The following ASIC2 variants were observed in gnomAD, a reference collection of about 807,000 sequenced individuals.
The protein encoded by ASIC2 is acid-sensing ion channel 2.
Under a neutral mutation model 57.3 loss-of-function variants are expected in ASIC2, and 25 were observed. The observed-to-expected ratio is 0.44, with a 90% CI of 0.32 to 0.61. The LOEUF (loss-of-function observed/expected upper bound fraction) is 0.61. Ranked by LOEUF, ASIC2 falls within the 20% of genes least tolerant of loss-of-function variation. The pLI, the probability that ASIC2 is intolerant of heterozygous loss-of-function variation, is 0.06. For missense variants in ASIC2, 641 were observed against 738.1 expected (o/e 0.87, Z 1.52); for synonymous variants, 319 against 307.5 (o/e 1.04, Z -0.39).
intron 1 of ASIC2, among the ~76,000 whole-genome samples, chr17:33,153,788 C>T (rs928263264): frequency 2.6e-5 from 4 of 152,150 alleles, no homozygotes; most frequent in East Asian, 1.9e-4. Flanking sequence ...AGAGGAGCTC[C>T]ACCTAAGATC....
intron 1 of ASIC2, among the ~76,000 whole-genome samples, chr17:33,864,134 C>G (rs1406756707): frequency 6.6e-6 from 1 of 152,030 alleles, no homozygotes; most frequent in East Asian, 1.9e-4. Flanking sequence ...AATTCCTGAC[C>G]TCAGGTGATC....
chr17:33,679,651 C>T (rs7224365), intron 1 of ASIC2, among the ~76,000 whole-genome samples: 6,965 of 152,228 alleles, frequency 0.046, 392 homozygotes, highest in African/African-American at 0.13. Flanking sequence ...TGGGAACCTA[C>T]ACAAACTGGA....
rs148665467 is a variant in ASIC2 at position 33,256,527 on chromosome 17, A to C, written c.708+34881T>G. Among the ~76,000 whole-genome samples, 359 of 152,300 alleles carry C rather than the reference A, an allele frequency of 2.4e-3. 1 individual carries two copies. Among genetic ancestry groups the C allele is most frequent in the African/African-American group, 8.2e-3 (342 of 41,564 alleles). On this transcript the variant is annotated intron_variant, in intron 1 of 9. Coordinates refer to ENST00000225823, the MANE Select transcript of ASIC2 (RefSeq NM_183377.2). Reference sequence around the variant, plus strand: ...AATAGAGAAATGAATTGGCATAAAAAATTTTACTGTAGGGCCAGGCACGGT... The same window carrying C: ...AATAGAGAAATGAATTGGCATAAAACATTTTACTGTAGGGCCAGGCACGGT...
intron 1 of ASIC2, among the ~76,000 whole-genome samples, chr17:33,648,392 A>G (rs1186629298): frequency 2.6e-5 from 4 of 152,242 alleles, no homozygotes; most frequent in Non-Finnish European, 5.9e-5. Context: ...TTATTAAAAG[A>G]TGAGCACTTC....
intron 1 of ASIC2, among the ~76,000 whole-genome samples, chr17:33,246,583 C>T (rs941336451): frequency 1.3e-5 from 2 of 152,154 alleles, no homozygotes; most frequent in African/African-American, 4.8e-5. Flanking sequence ...AAGGGCGCGG[C>T]GGGGTTCACC....
At chr17:33,491,934 G>C (rs1567629292) in intron 1 of ASIC2, among the ~76,000 whole-genome samples, 1 of 152,156 alleles carries the variant, frequency 6.6e-6, no homozygotes, top group African/African-American at 2.4e-5. Context: ...CCCTAATTTT[G>C]CCTTCCAGGA....
chr17:33,630,063 C>T (rs1330158028), intron 1 of ASIC2, among the ~76,000 whole-genome samples: 1 of 152,142 alleles, frequency 6.6e-6, no homozygotes, highest in African/African-American at 2.4e-5. Context: ...TCTAGGCCCA[C>T]CAGCGGCCAT....
At chr17:33,616,456 T>G (rs962529412) in intron 1 of ASIC2, among the ~76,000 whole-genome samples, 1 of 152,218 alleles carries the variant, frequency 6.6e-6, no homozygotes, top group Non-Finnish European at 1.5e-5. Context: ...CCAAACCTCT[T>G]TAATGTGAAT....
intron 1 of ASIC2, among the ~76,000 whole-genome samples, chr17:33,378,979 A>G (rs1909378735): frequency 6.6e-6 from 1 of 152,240 alleles, no homozygotes; most frequent in African/African-American, 2.4e-5. Flanking sequence ...TTCCAGGGTT[A>G]GTATCATGAT....
chr17:33,079,209 A>G (rs1458488055), intron 3 of ASIC2, among the ~76,000 whole-genome samples: 1 of 152,230 alleles, frequency 6.6e-6, no homozygotes, highest in African/African-American at 2.4e-5. Context: ...CATATCCCCA[A>G]AGAATTCCCA....
At chr17:34,091,200 C>G (rs9897564) in intron 1 of ASIC2, among the ~76,000 whole-genome samples, 21,631 of 152,266 alleles carry the variant, frequency 0.14, 1,690 homozygotes, top group African/African-American at 0.19. Flanking sequence ...CAAAACAGAC[C>G]TGAGATAAAG....
intron 1 of ASIC2, chr17:34,039,934 C>A (rs1908045119): frequency 2.1e-6 from 3 of 1,423,540 alleles, no homozygotes; most frequent in Non-Finnish European, 2.9e-6. Context: ...CCGACCCGAC[C>A]CGGCTGCGGA....
At chr17:33,508,967 A>G (rs181162457) in intron 1 of ASIC2, among the ~76,000 whole-genome samples, 24 of 152,176 alleles carry the variant, frequency 1.6e-4, no homozygotes, top group Admixed American at 1.6e-3. Context: ...AGTTGGTTAC[A>G]ATCTCAATCC....
intron 1 of ASIC2, chr17:33,534,110 A>G (rs1567641980): frequency 1.3e-5 from 2 of 152,144 alleles, no homozygotes; most frequent in African/African-American, 2.4e-5. Flanking sequence ...GATGCTGTCA[A>G]AATTGAACCC....
At position 34,109,039 on chromosome 17, in the gene ASIC2, ATTTTATTTTAT is replaced by A. The variant is rs984248478; in HGVS notation, c.555+46928_555+46938del. 3.0e-3 allele frequency among the ~76,000 whole-genome samples: 83 copies of A among 27,300 alleles called. No individual in the cohort carries two copies. The African/African-American group carries it at 0.037, about 12-fold the overall frequency. 17.9% of individuals were successfully genotyped at this position (27,300 alleles called of 152,430 possible). The stretch of plus-strand genomic sequence containing the variant: ...CTTTTTTTATTTGTTGATTTATTTT[ATTTTATTTTAT>A]TTTTATTTTATTTTATTATTATTAT... On this transcript the variant is annotated intron_variant, in intron 1 of 9. Transcript: ENST00000359872.
At chr17:33,430,816 T>C (rs1005502647) in intron 1 of ASIC2, among the ~76,000 whole-genome samples, 1 of 152,160 alleles carries the variant, frequency 6.6e-6, no homozygotes, top group Non-Finnish European at 1.5e-5. Context: ...GTTTTTGAAT[T>C]TCATTCTCTA....
At chr17:33,391,167 T>C (rs1909874927) in intron 1 of ASIC2, among the ~76,000 whole-genome samples, 1 of 152,206 alleles carries the variant, frequency 6.6e-6, no homozygotes, top group African/African-American at 2.4e-5. Context: ...ATCCTTATTT[T>C]ATAGATGATG....
intron 1 of ASIC2, among the ~76,000 whole-genome samples, chr17:33,884,696 A>G (rs1914785539): frequency 6.6e-6 from 1 of 152,024 alleles, no homozygotes; most frequent in South Asian, 2.1e-4. Flanking sequence ...ATTGGCCACA[A>G]CATTCAGATA....
intron 1 of ASIC2, among the ~76,000 whole-genome samples, chr17:33,593,375 C>T (rs1904884887): frequency 1.1e-5 from 1 of 89,956 alleles, no homozygotes. Flanking sequence ...AAAAAAAAAG[C>T]ACATTGTGGC....
Sources: allele counts gnomAD v4.1 joint callset (sites outside exome capture counted in the v4.1 genomes callset), GRCh38; gene constraint gnomAD v4.1.1; transcripts MANE v1.5; gene names NCBI Gene and HGNC (gene_info 2026-07-23, HGNC 2026-07-21).